The following RXRA variants were observed in gnomAD, a reference collection of about 807,000 sequenced individuals.
RXRA encodes retinoid X receptor alpha.
RXRA carries 5 observed loss-of-function variants against 44.5 expected under a neutral mutation model. The ratio of observed to expected loss-of-function variants is 0.11; its 90% confidence interval spans 0.06 to 0.24. The LOEUF is 0.24. RXRA is among the 10% of genes least tolerant of loss of function. The probability of loss-of-function intolerance (pLI) is 1.00; values close to 1 mark genes in which losing one functional copy is unlikely to be tolerated. For synonymous variants in RXRA, 291 were observed against 271.4 expected, an observed-to-expected ratio of 1.07 and a Z score of -0.71; for missense variants, 412 against 646.5, an observed-to-expected ratio of 0.64 and a Z score of 3.93.
At chr9:134,398,276 G>A (rs1162737431) in intron 1 of RXRA, among the ~76,000 whole-genome samples, 1 of 152,150 alleles carries the variant, frequency 6.6e-6, no homozygotes, top group Non-Finnish European at 1.5e-5. Flanking sequence ...CACCCTGCCC[G>A]GCCCCAAAGT....
chr9:134,377,922 G>A (rs1194484556), intron 1 of RXRA, among the ~76,000 whole-genome samples: 2 of 152,236 alleles, frequency 1.3e-5, no homozygotes, highest in African/African-American at 2.4e-5. Flanking sequence ...TGCCCCCCTT[G>A]GAGGGGCTGT....
Position 134,365,097 on chromosome 9 carries a change from G to A in RXRA, c.29-36535G>A, listed in dbSNP as rs1830397208. Among the ~76,000 whole-genome samples the A allele has an allele frequency of 6.6e-6, 1 of 152,234 alleles. No homozygotes were observed. Among genetic ancestry groups the A allele is most frequent in the African/African-American group, 2.4e-5 (1 of 41,450 alleles). On this transcript the variant is annotated intron_variant, in intron 1 of 9. Transcript: ENST00000481739. This position sits in a 1 kb window ranked among gnomAD's most constrained non-coding sequence, Gnocchi z 4.0. ...GTTTCCCAAGGTGGGGTCTGGTGCT[G>A]GCAGGAGGGGGCGGGGTGAGCCAAT... is the stretch of plus-strand genomic sequence containing the variant.
chr9:134,379,487 C>G, intron 1 of RXRA: 1 of 986,714 alleles, frequency 1.0e-6, no homozygotes, highest in Non-Finnish European at 1.2e-6. Context: ...AGGACCGAGT[C>G]GCTGCCCATC....
chr9:134,371,660 C>A (rs751518041), intron 1 of RXRA, among the ~76,000 whole-genome samples: 1 of 152,252 alleles, frequency 6.6e-6, no homozygotes, highest in Non-Finnish European at 1.5e-5. Flanking sequence ...GTTCACTGGG[C>A]CTGTGGCCTG....
Position 134,394,716 on chromosome 9 carries a change from C to T in RXRA, c.29-6916C>T, listed in dbSNP as rs561593172. On this transcript the variant is annotated intron_variant, in intron 1 of 9. Transcript: ENST00000481739. ...CCCTGGTCCCCTCATCTTGACATCA[C>T]GCCCCCTCACTACCCTGCGTCTCCC... Among the ~76,000 whole-genome samples, 11 of 152,326 alleles carry T rather than the reference C, an allele frequency of 7.2e-5. No individual in the cohort carries two copies. In the South Asian group the frequency reaches 1.5e-3, roughly 20 times the overall value.
At chr9:134,389,946 G>A (rs1273652445) in intron 1 of RXRA, among the ~76,000 whole-genome samples, 1 of 152,182 alleles carries the variant, frequency 6.6e-6, no homozygotes, top group Non-Finnish European at 1.5e-5. Flanking sequence ...GTTCACCCTC[G>A]CATCTGCAGG....
chr9:134,333,356 C>T (rs926636991), intron 1 of RXRA, among the ~76,000 whole-genome samples: 12 of 152,286 alleles, frequency 7.9e-5, no homozygotes, highest in African/African-American at 2.2e-4. Flanking sequence ...ACCCAGAGGC[C>T]GTGCCTGGCC....
Position 134,342,722 on chromosome 9 carries a change from C to T in RXRA, c.28+16063C>T, listed in dbSNP as rs1463112059. The stretch of plus-strand genomic sequence containing the variant: ...AGATGGCTGGTGTGGGCCGCCCTGA[C>T]CTGGTGGGTTTGGGGGAACCTGGCC... On this transcript the variant is annotated intron_variant, in intron 1 of 9. Transcript: ENST00000481739. This position sits in a 1 kb window ranked among gnomAD's most constrained non-coding sequence, Gnocchi z 4.4. Among the ~76,000 whole-genome samples the T allele has an allele frequency of 6.6e-6, 1 of 152,112 alleles. No individual in the cohort carries two copies. The highest frequency in any genetic ancestry group is 1.5e-5 in the Non-Finnish European group (1 of 67,996).
chr9:134,375,341 G>C (rs555454513), intron 1 of RXRA, among the ~76,000 whole-genome samples: 1 of 152,252 alleles, frequency 6.6e-6, no homozygotes, highest in African/African-American at 2.4e-5. Flanking sequence ...GCTGTGGCTG[G>C]CTGGGCACCC....
In RXRA at chr9:134,426,621, G is replaced by A; in HGVS notation, c.911-2487G>A. On this transcript the variant is annotated intron_variant, in intron 6 of 9. Coordinates refer to ENST00000481739, the MANE Select transcript of RXRA (RefSeq NM_002957.6). This position sits in a 1 kb window ranked among gnomAD's most constrained non-coding sequence, Gnocchi z 4.6. ...CCTTCTGACCCCAGCCGTGCACTAG[G>A]CCCCTCTGCTGGGCACACCAGAGTT... is the stretch of plus-strand genomic sequence containing the variant. The A allele has an allele frequency of 4.1e-6, 4 of 985,424 alleles. No individual in the cohort carries two copies. The highest frequency in any genetic ancestry group is 4.8e-6 in the Non-Finnish European group (4 of 829,930). 61.0% of individuals were successfully genotyped at this position (985,424 alleles called of 1,614,324 possible). A position where few individuals can be genotyped will look rare whatever the true frequency, so the allele number is the denominator to read the frequency against.
chr9:134,431,554 G>A (rs1385202864), intron 7 of RXRA, among the ~76,000 whole-genome samples: 1 of 152,204 alleles, frequency 6.6e-6, no homozygotes. Context: ...GGGTTCGGGA[G>A]GGGTGGACTC....
chr9:134,369,547 C>T (rs1018905178), intron 1 of RXRA, among the ~76,000 whole-genome samples: 4 of 151,594 alleles, frequency 2.6e-5, no homozygotes, highest in East Asian at 1.9e-4. Flanking sequence ...TGTTGGAGAT[C>T]GCAGCTGTTG....
chr9:134,356,140 G>A (rs1308970399), intron 1 of RXRA, among the ~76,000 whole-genome samples: 1 of 152,142 alleles, frequency 6.6e-6, no homozygotes, highest in Non-Finnish European at 1.5e-5. Flanking sequence ...CTTCCCTCCT[G>A]CCCCTGCCAG....
chr9:134,418,441 C>T (rs1200737755), intron 5 of RXRA, among the ~76,000 whole-genome samples: 2 of 152,192 alleles, frequency 1.3e-5, no homozygotes, highest in Admixed American at 6.5e-5. Context: ...AGACCTTATA[C>T]AGGCCGACCA....
At chr9:134,339,659 CTG>C (rs535802622) in intron 1 of RXRA, among the ~76,000 whole-genome samples, 35 of 117,830 alleles carry the variant, frequency 3.0e-4, no homozygotes, top group South Asian at 1.1e-3. Context: ...GTGTGTGTGC[CTG>C]TGTGTGTGTG....
chr9:134,422,061 TCCCAGGACGC>T, intron 6 of RXRA: 1 of 1,262,492 alleles, frequency 7.9e-7, no homozygotes, highest in Non-Finnish European at 1.0e-6. Flanking sequence ...CGCTCCCCTC[TCCCAGGACGC>T]TCCCCTCTCC....
chr9:134,394,940 T>G (rs1284789526), intron 1 of RXRA, among the ~76,000 whole-genome samples: 1 of 152,148 alleles, frequency 6.6e-6, no homozygotes, highest in African/African-American at 2.4e-5. Context: ...TTCTCTGCAT[T>G]TGTGCAGGGG....
Position 134,326,513 on chromosome 9 carries a change from G to GCCGCCGCCA in RXRA, c.-114_-106dup, listed in dbSNP as rs1190517672. On this transcript the variant is annotated 5_prime_UTR_variant, in exon 1 of 10. Transcript: ENST00000481739. ...CGCCGCGCCGCGGCCTCCGCGCGCC[G>GCCGCCGCCA]CCGCCGCCACCGCAGCCGCCGGCTC... 1 of 144,102 alleles carries GCCGCCGCCA rather than the reference G, an allele frequency of 6.9e-6. No homozygotes were observed. The highest frequency in any genetic ancestry group is 2.5e-5 in the African/African-American group (1 of 39,712). 8.9% of individuals were successfully genotyped at this position (144,102 alleles called of 1,614,324 possible). A position where few individuals can be genotyped will look rare whatever the true frequency, so the allele number is the denominator to read the frequency against.
chr9:134,403,261 C>T (rs897503296), intron 2 of RXRA: 1 of 152,324 alleles, frequency 6.6e-6, no homozygotes, highest in African/African-American at 2.4e-5. Flanking sequence ...CCAACCCCAT[C>T]AAAGCCCCTC....
Sources: gnomAD v4.1 joint callset for allele counts (sites outside exome capture counted in the v4.1 genomes callset) on GRCh38, gnomAD v4.1.1 for gene constraint, Gnocchi (gnomAD v3.1) non-coding constraint, MANE v1.5 for transcripts, NCBI Gene and HGNC (gene_info 2026-07-23, HGNC 2026-07-21) for gene names.